Variants in IGF2R observed in about 807,000 individuals in gnomAD.
IGF2R encodes the protein insulin like growth factor 2 receptor, also known as cation-independent mannose-6-phosphate receptor.
In IGF2R, 91 loss-of-function variants were observed where a neutral mutation model predicts 270.6. That is an observed-to-expected ratio of 0.34 (90% CI 0.28 to 0.40). The LOEUF (loss-of-function observed/expected upper bound fraction) is 0.40, where lower values mean the gene tolerates loss of function less well. Ranked by LOEUF, IGF2R falls within the 10% of genes least tolerant of loss-of-function variation. The probability of loss-of-function intolerance (pLI) is 1.00; values close to 1 mark genes in which losing one functional copy is unlikely to be tolerated. For missense variants in IGF2R, 2,805 were observed against 3,188.3 expected (o/e 0.88, Z 2.90); for synonymous variants, 1,316 against 1,258.9 (o/e 1.05, Z -0.96).
chr6:160,089,071 G>A (rs772824410), intron 42 of IGF2R, 36 bp from the exon 43 acceptor site: 1 of 1,598,060 alleles, frequency 6.3e-7, no homozygotes, highest in East Asian at 2.2e-5. Flanking sequence ...TGTCTGGCTG[G>A]GGAAGTGACT....
intron 44 of IGF2R, chr6:160,093,472 A>C: frequency 4.0e-6 from 2 of 498,678 alleles, no homozygotes; most frequent in Non-Finnish European, 3.8e-6. Context: ...GAGGAGATCA[A>C]GAAGGAGACT....
chr6:160,003,521 A>C (rs897144469), intron 2 of IGF2R: 13 of 152,226 alleles, frequency 8.5e-5, no homozygotes, highest in African/African-American at 3.1e-4. Context: ...TGCTGGAACA[A>C]TCTACTGTGT....
intron 9 of IGF2R, 133 bp from the exon 10 acceptor site, chr6:160,034,284 TAG>T: frequency 1.8e-6 from 1 of 562,480 alleles, no homozygotes; most frequent in Non-Finnish European, 3.3e-6. Context: ...CCTAGCTGGC[TAG>T]AGAGCTTGCT....
At chr6:160,000,984 G>A (rs551753701) in intron 2 of IGF2R, among the ~76,000 whole-genome samples, 2 of 151,762 alleles carry the variant, frequency 1.3e-5, no homozygotes, top group African/African-American at 4.8e-5. Context: ...TGATCCACCC[G>A]CCTTGGCCCC....
Position 160,084,674 on chromosome 6 carries a change from G to A in IGF2R, c.6069-321G>A, listed in dbSNP as rs1436522181. ...GTTTAAGTGGTTCTAAGTGAGGTGG[G>A]AAACTTGCCGAGATTCTAGCCACTG... On this transcript the variant is annotated intron_variant, in intron 40 of 47. Coordinates refer to ENST00000356956, the MANE Select transcript of IGF2R (RefSeq NM_000876.4). This position sits in a 1 kb window ranked among gnomAD's most constrained non-coding sequence, Gnocchi z 4.6. Among the ~76,000 whole-genome samples the A allele has an allele frequency of 6.6e-6, 1 of 152,120 alleles. No homozygotes were observed. The highest frequency in any genetic ancestry group is 2.4e-5 in the African/African-American group (1 of 41,414).
chr6:159,991,040 T>A, intron 1 of IGF2R, 144 bp from the exon 2 acceptor site: 1 of 706,736 alleles, frequency 1.4e-6, no homozygotes, highest in South Asian at 2.0e-5. Context: ...CTTAACATAC[T>A]TGACTTTTTA....
chr6:160,069,890 C>T lies in IGF2R; in HGVS notation c.4275C>T (p.Ala1425=), dbSNP rs749413548. 4.5e-5 allele frequency: 72 copies of T among 1,613,948 alleles called. No individual in the cohort carries two copies. Among genetic ancestry groups the T allele is most frequent in the Non-Finnish European group, 5.5e-5 (65 of 1,180,028 alleles). ...CAGAGCCGTGCCCTCCAGAAGCAGC[C>T]GCGTGTCTGCTGGGTGGCTCCAAGC... The part of the protein sequence containing the change: ...AGTEPCPPEA[A]ACLLGGSKPV... The change falls in exon 31 of 48, where the codon GCC becomes GCT. Residue 1425 remains alanine, a synonymous_variant. Transcript: ENST00000356956.
chr6:159,977,577 T>C (rs188779253), intron 1 of IGF2R, among the ~76,000 whole-genome samples: 58 of 152,340 alleles, frequency 3.8e-4, no homozygotes, highest in East Asian at 3.9e-4. Flanking sequence ...GATTGTTGAG[T>C]TGGCTGTGTC....
At chr6:160,041,714 A>T (rs1777950756) in intron 11 of IGF2R, among the ~76,000 whole-genome samples, 1 of 152,180 alleles carries the variant, frequency 6.6e-6, no homozygotes, top group African/African-American at 2.4e-5. Context: ...AGTGTTTGAG[A>T]ACCTGCCTCA....
At position 160,102,723 on chromosome 6, in the gene IGF2R, C is replaced by T. The variant is rs1779516113; in HGVS notation, c.6995+52C>T. The T allele has an allele frequency of 5.2e-6, 8 of 1,524,448 alleles. No homozygotes were observed. The highest frequency in any genetic ancestry group is 2.4e-5 in the South Asian group (2 of 83,980). 94.4% of individuals were successfully genotyped at this position (1,524,448 alleles called of 1,614,324 possible). A position where few individuals can be genotyped will look rare whatever the true frequency, so the allele number is the denominator to read the frequency against. ...GCGGGTGGATGCATGCCTCCCATAG[C>T]TAATCTTGGGGTCAGTTTTGTGGGG... On this transcript the variant is annotated intron_variant, in intron 46 of 47. Coordinates refer to ENST00000356956, the MANE Select transcript of IGF2R (RefSeq NM_000876.4). The surrounding 1 kb of genome is among the most constrained non-coding windows in gnomAD (Gnocchi z 4.5).
chr6:160,028,901 CT>C (rs765117614), intron 6 of IGF2R, among the ~76,000 whole-genome samples: 4 of 150,910 alleles, frequency 2.7e-5, no homozygotes, highest in African/African-American at 9.8e-5. Flanking sequence ...GTGTTTCTTC[CT>C]TTTTTTAAAA....
intron 19 of IGF2R, among the ~76,000 whole-genome samples, chr6:160,054,248 G>A (rs1050630234): frequency 6.6e-6 from 1 of 152,218 alleles, no homozygotes. Context: ...GCATATTCAC[G>A]AAGGGATGGC....
Position 160,106,229 on chromosome 6 carries a change from G to A in IGF2R, c.*1145G>A, listed in dbSNP as rs8191966. On this transcript the variant is annotated 3_prime_UTR_variant, in exon 48 of 48. Coordinates refer to ENST00000356956, the MANE Select transcript of IGF2R (RefSeq NM_000876.4). ...AGGAGGGAGGCCAGGCGGGCATGGC[G>A]TGGAGGAGGAGGGAGGCCGGGCGGT... The A allele has an allele frequency of 0.029, 4,344 of 151,140 alleles. 203 individuals are homozygous for A. Among genetic ancestry groups the A allele is most frequent in the African/African-American group, 0.1 (4,120 of 39,760 alleles). The allele number at this position is 151,140 out of a possible 1,614,324, so 9.4% of individuals were successfully genotyped here. A position where few individuals can be genotyped will look rare whatever the true frequency, so the allele number is the denominator to read the frequency against.
At chr6:160,045,693 T>C (rs1435583787) in intron 13 of IGF2R, 52 bp from the exon 14 acceptor site, 1 of 1,606,588 alleles carries the variant, frequency 6.2e-7, no homozygotes, top group African/African-American at 1.3e-5. Flanking sequence ...TGAGGTAAGA[T>C]ATTTTAGGAA....
intron 6 of IGF2R, among the ~76,000 whole-genome samples, chr6:160,028,179 G>A (rs556529813): frequency 1.3e-5 from 2 of 152,208 alleles, no homozygotes; most frequent in African/African-American, 2.4e-5. Flanking sequence ...ACCGGGGCTG[G>A]TTTGTTCTGA....
chr6:160,103,800 CTACAAA>C lies in IGF2R; in HGVS notation c.7054_7059del (p.Lys2352_Tyr2353del). ...GCTGTAGGAGAAGTTCCAACGTGTC[CTACAAA>C]TACTCAAAGGTAATTTTCTGTGGCG... On this transcript the variant is annotated inframe_deletion, in exon 47 of 48. Coordinates refer to ENST00000356956, the MANE Select transcript of IGF2R (RefSeq NM_000876.4). 6.2e-7 allele frequency: 1 copy of C among 1,609,414 alleles called. No individual in the cohort carries two copies. The highest frequency in any genetic ancestry group is 8.5e-7 in the Non-Finnish European group (1 of 1,175,796).
chr6:160,077,424 G>C (rs146665119), intron 36 of IGF2R, among the ~76,000 whole-genome samples: 31 of 152,290 alleles, frequency 2.0e-4, no homozygotes, highest in African/African-American at 6.3e-4. Context: ...TACACCACCA[G>C]CTAAAGAGTG....
At chr6:159,997,545 A>T (rs563165727) in intron 2 of IGF2R, among the ~76,000 whole-genome samples, 1 of 152,198 alleles carries the variant, frequency 6.6e-6, no homozygotes, top group Non-Finnish European at 1.5e-5. Context: ...CAGTTCGGGT[A>T]CCAGCAGTCG....
intron 21 of IGF2R, 32 bp downstream of exon 21, chr6:160,058,156 T>C (rs775063999): frequency 7.0e-7 from 1 of 1,436,806 alleles, no homozygotes; most frequent in African/African-American, 1.4e-5. Flanking sequence ...TCCAGTTTGC[T>C]TTGAAACAGG....
Sources: allele counts gnomAD v4.1 joint callset (sites outside exome capture counted in the v4.1 genomes callset), GRCh38; gene constraint gnomAD v4.1.1; non-coding constraint Gnocchi (gnomAD v3.1); transcripts MANE v1.5; gene names NCBI Gene and HGNC (gene_info 2026-07-23, HGNC 2026-07-21).